The following CCDC192 variants were observed in gnomAD, a reference collection of about 807,000 sequenced individuals.
CCDC192 encodes the protein coiled-coil domain-containing protein 192.
At chr5:127,820,402 A>C (rs897937103) in intron 5 of CCDC192, among the ~76,000 whole-genome samples, 2 of 152,168 alleles carry the variant, frequency 1.3e-5, no homozygotes, top group Non-Finnish European at 2.9e-5. Context: ...ACCAACATGG[A>C]GAAACCTCGC....
At chr5:127,720,655 C>T (rs1000768377) in intron 2 of CCDC192, among the ~76,000 whole-genome samples, 1 of 152,242 alleles carries the variant, frequency 6.6e-6, no homozygotes, top group Non-Finnish European at 1.5e-5. Context: ...AGAGGTTCTC[C>T]ATGAGGGCTT....
chr5:127,898,259 C>T (rs937620860), intron 6 of CCDC192, among the ~76,000 whole-genome samples: 1 of 152,088 alleles, frequency 6.6e-6, no homozygotes, highest in Non-Finnish European at 1.5e-5. Flanking sequence ...TAGGCACCCA[C>T]CAACACGCAT....
intron 3 of CCDC192, chr5:127,787,134 A>G (rs903556769): frequency 1.3e-5 from 3 of 227,722 alleles, no homozygotes; most frequent in African/African-American, 6.9e-5. Context: ...TACCATTCCA[A>G]ATTTATTCAC....
chr5:127,817,210 T>C (rs1229334094), intron 5 of CCDC192, among the ~76,000 whole-genome samples: 2 of 152,172 alleles, frequency 1.3e-5, no homozygotes, highest in African/African-American at 4.8e-5. Context: ...TTCTCAAATT[T>C]AGTGAGTCTT....
intron 6 of CCDC192, among the ~76,000 whole-genome samples, chr5:127,920,443 C>G (rs1447722750): frequency 8.1e-6 from 1 of 123,784 alleles, no homozygotes; most frequent in Non-Finnish European, 1.6e-5. Flanking sequence ...AGTTTTTGCT[C>G]TGTTGCCCAG....
At chr5:127,709,200 G>GC in intron 2 of CCDC192, among the ~76,000 whole-genome samples, 1 of 52,614 alleles carries the variant, frequency 1.9e-5, no homozygotes, top group Non-Finnish European at 3.6e-5. Flanking sequence ...GTGGAGAGAG[G>GC]GGGAGAGAGA....
At chr5:127,776,489 A>T (rs1186302148) in intron 3 of CCDC192, among the ~76,000 whole-genome samples, 1 of 152,240 alleles carries the variant, frequency 6.6e-6, no homozygotes, top group Admixed American at 6.5e-5. Flanking sequence ...TTGCAGCCTG[A>T]CAATGCGACA....
chr5:127,923,546 T>A (rs1753787897), intron 6 of CCDC192, among the ~76,000 whole-genome samples: 1 of 152,046 alleles, frequency 6.6e-6, no homozygotes, highest in South Asian at 2.1e-4. Flanking sequence ...CCCTGCTAAC[T>A]TTTTGTATTT....
intron 2 of CCDC192, among the ~76,000 whole-genome samples, chr5:127,752,221 GT>G (rs1279176992): frequency 6.6e-6 from 1 of 152,168 alleles, no homozygotes; most frequent in South Asian, 2.1e-4. Context: ...TTTCTGCTCT[GT>G]TTTTTCCCCA....
intron 6 of CCDC192, among the ~76,000 whole-genome samples, chr5:127,934,901 T>C (rs1754145850): frequency 1.3e-5 from 2 of 152,132 alleles, no homozygotes; most frequent in South Asian, 2.1e-4. Context: ...ACCAGCCCCA[T>C]AGTGAGTCAG....
At chr5:127,834,336 G>A (rs539796408) in intron 5 of CCDC192, among the ~76,000 whole-genome samples, 1 of 152,248 alleles carries the variant, frequency 6.6e-6, no homozygotes, top group South Asian at 2.1e-4. Flanking sequence ...AACTATACAA[G>A]CTGAAATTCT....
intron 6 of CCDC192, among the ~76,000 whole-genome samples, chr5:127,922,410 A>G (rs1428100770): frequency 1.3e-5 from 2 of 152,146 alleles, no homozygotes; most frequent in Non-Finnish European, 2.9e-5. Flanking sequence ...CATTTCTGTT[A>G]TAAATCGCAA....
At chr5:127,797,536 G>T (rs1293790462) in intron 4 of CCDC192, among the ~76,000 whole-genome samples, 1 of 151,600 alleles carries the variant, frequency 6.6e-6, no homozygotes, top group African/African-American at 2.4e-5. Context: ...AGTTGTTAAT[G>T]TTGGAGTGTT....
intron 5 of CCDC192, among the ~76,000 whole-genome samples, chr5:127,837,961 A>G (rs2539715): frequency 1.2e-4 from 19 of 152,164 alleles, no homozygotes; most frequent in African/African-American, 4.6e-4. Flanking sequence ...GCACTCCAGC[A>G]CTCCAGCCTG....
In CCDC192 at chr5:127,760,638, A is replaced by G. The variant is rs556590081; in HGVS notation, c.222+6263A>G. ...AAAAAATACAAAAAATTCGCCGGGC[A>G]TGGTGGCAGGCTGAGATCGCGCCAC... is the stretch of plus-strand genomic sequence containing the variant. On this transcript the variant is annotated intron_variant, in intron 3 of 6. Transcript: ENST00000514853. Among the ~76,000 whole-genome samples the G allele has an allele frequency of 1.4e-5, 2 of 141,706 alleles. 1 individual carries two copies. Among genetic ancestry groups the G allele is most frequent in the African/African-American group, 5.2e-5 (2 of 38,210 alleles). The allele number at this position is 141,706 out of a possible 152,430, so 93.0% of individuals were successfully genotyped here.
chr5:127,885,008 C>T (rs1752509408), intron 6 of CCDC192, among the ~76,000 whole-genome samples: 1 of 152,194 alleles, frequency 6.6e-6, no homozygotes, highest in African/African-American at 2.4e-5. Flanking sequence ...TGTCAAGGTC[C>T]CCTCCCTCCT....
intron 3 of CCDC192, among the ~76,000 whole-genome samples, chr5:127,791,981 G>A (rs1404823943): frequency 1.3e-5 from 2 of 152,178 alleles, no homozygotes; most frequent in Non-Finnish European, 2.9e-5. Flanking sequence ...GTATGAGCAA[G>A]TTGGGAATAT....
intron 6 of CCDC192, among the ~76,000 whole-genome samples, chr5:127,935,012 C>T (rs72792227): frequency 0.016 from 2,507 of 152,258 alleles, 28 homozygotes; most frequent in South Asian, 0.025. Context: ...ATCACCTCAC[C>T]GGTGATCCTT....
chr5:127,744,459 G>A (rs1031539540), intron 2 of CCDC192, among the ~76,000 whole-genome samples: 4 of 152,148 alleles, frequency 2.6e-5, no homozygotes, highest in African/African-American at 9.7e-5. Context: ...CTGTACCACT[G>A]AGCAGGGGCT....
Sources: allele counts gnomAD v4.1 joint callset (sites outside exome capture counted in the v4.1 genomes callset), GRCh38; gene constraint gnomAD v4.1.1; transcripts MANE v1.5; gene names NCBI Gene and HGNC (gene_info 2026-07-23, HGNC 2026-07-21).